Variants in TLE6 observed in about 807,000 individuals in gnomAD.
The protein encoded by TLE6 is TLE family member 6, subcortical maternal complex member.
A neutral mutation model predicts 77.1 loss-of-function variants in TLE6; 72 were observed. The ratio of observed to expected loss-of-function variants is 0.93; its 90% CI spans 0.77 to 1.14. TLE6 has a LOEUF of 1.14. Among genes scored for constraint, TLE6 ranks in the 50% most tolerant of loss-of-function variants. The pLI is 0.00. For missense variants in TLE6, 843 were observed against 747.6 expected (o/e 1.13, Z -1.49); for synonymous variants, 366 against 287.3 (o/e 1.27, Z -2.77).
intron 5 of TLE6, among the ~76,000 whole-genome samples, chr19:2,982,601 G>GCTGAGC (rs913311260): frequency 4.0e-5 from 6 of 151,450 alleles, no homozygotes; most frequent in Non-Finnish European, 7.4e-5. Context: ...GGTAGGTCAT[G>GCTGAGC]CTGAGCCTTG....
intron 9 of TLE6, 37 bp downstream of exon 9, chr19:2,987,827 G>A (rs201133837): frequency 6.8e-6 from 11 of 1,613,822 alleles, no homozygotes; most frequent in Admixed American, 1.7e-5. Context: ...GACTCCAGGC[G>A]GGATGGGGTG....
At position 2,987,164 on chromosome 19, in the gene TLE6, A is replaced by G; in HGVS notation, c.467A>G (p.His156Arg). 3 of 1,614,086 alleles carry G rather than the reference A, an allele frequency of 1.9e-6. No individual in the cohort carries two copies. The highest frequency in any genetic ancestry group is 2.5e-6 in the Non-Finnish European group (3 of 1,180,032). The change falls in exon 7 of 17, where the codon CAC becomes CGC. Residue 156 changes from histidine (H) to arginine (R), a missense_variant. By Grantham distance (29) the His-to-Arg change is conservative. Transcript: ENST00000246112. ...LFWDKEPWFW[H>R]DTLTEQLWRI... ...TGGGACAAGGAGCCTTGGTTTTGGC[A>G]CGACACTCTGACCGAGCAACTCTGG...
chr19:2,986,789 GCAA>G (rs2088920995), intron 5 of TLE6, 37 bp from the exon 6 acceptor site: 1 of 1,546,478 alleles, frequency 6.5e-7, no homozygotes, highest in African/African-American at 1.4e-5. Flanking sequence ...ACCCTTAACT[GCAA>G]CAACATTTAA....
At position 2,986,891 on chromosome 19, in the gene TLE6, G is replaced by C. The variant is rs762482172; in HGVS notation, c.285G>C (p.Glu95Asp). 1 of 1,551,770 alleles carries C rather than the reference G, an allele frequency of 6.4e-7. No homozygotes were observed. Among genetic ancestry groups the C allele is most frequent in the African/African-American group, 1.4e-5 (1 of 73,026 alleles). The change falls in exon 6 of 17, where the codon GAG (glutamate) becomes GAC (aspartate). Residue 95 changes from glutamate to aspartate, a missense_variant and splice_region_variant. Physicochemically the swap from Glu to Asp is conservative, Grantham distance 45 (BLOSUM62 2). Coordinates refer to ENST00000246112, the MANE Select transcript of TLE6 (RefSeq NM_001143986.2). ...CSQLQGFQSE[E>D]VSPAEPASPG... ...AACTCCAGGGTTTCCAGTCTGAGGA[G>C]GTGAGTTTCTGGGTCTTCAAGGAGG...
intron 5 of TLE6, chr19:2,983,925 T>G (rs10405587): frequency 0.038 from 5,845 of 152,256 alleles, 391 homozygotes; most frequent in African/African-American, 0.13. Context: ...GGGTGAGGGC[T>G]CCAGAGCAAA....
chr19:2,989,009 G>A (rs2088978837), intron 11 of TLE6, 52 bp from the exon 12 acceptor site: 1 of 1,601,178 alleles, frequency 6.2e-7, no homozygotes, highest in African/African-American at 1.3e-5. Context: ...GGCTCCCACT[G>A]GGCAAAGGGG....
chr19:2,980,583 A>G (rs1033744270), intron 3 of TLE6, among the ~76,000 whole-genome samples: 3 of 151,612 alleles, frequency 2.0e-5, no homozygotes, highest in African/African-American at 7.3e-5. Flanking sequence ...AAAAAATACA[A>G]AAATCAGCCA....
chr19:2,981,419 T>C, intron 3 of TLE6, 119 bp from the exon 4 acceptor site: 1 of 1,073,404 alleles, frequency 9.3e-7, no homozygotes, highest in Non-Finnish European at 1.4e-6. Context: ...AAATTTGGCT[T>C]CTGGAGCCAG....
chr19:2,980,892 T>TA (rs529993481), intron 3 of TLE6, among the ~76,000 whole-genome samples: 48 of 149,622 alleles, frequency 3.2e-4, no homozygotes, highest in African/African-American at 9.9e-4. Flanking sequence ...TCTTAAAAAA[T>TA]AAAAAAAATC....
In TLE6 at chr19:2,987,058, GA is replaced by G; in HGVS notation, c.362del (p.Glu121GlyfsTer39). 1 of 1,614,164 alleles carries G rather than the reference GA, an allele frequency of 6.2e-7. No homozygotes were observed. Among genetic ancestry groups the G allele is most frequent in the South Asian group, 1.1e-5 (1 of 91,082 alleles). ...CAAGACCCTGCAGGAGTCGAGCTTT[GA>G]GGACATCATGGCCACCAGGTCCTCC... ...KDKTLQESSF[E>X]DIMATRSSDW... On this transcript the variant is annotated frameshift_variant, in exon 7 of 17. Transcript: ENST00000246112. LOFTEE classifies it high-confidence loss of function.
Position 2,980,150 on chromosome 19 carries a change from G to C in TLE6, c.102G>C (p.Gln34His). Residue 34 changes from glutamine to histidine, a missense_variant, in exon 3 of 17, where the codon CAG (glutamine) becomes CAC (histidine). Coordinates refer to ENST00000246112, the MANE Select transcript of TLE6 (RefSeq NM_001143986.2). ...AGAGCTCTCCGACGCTGAATTATCA[G>C]GGCATTCTAAATCGGCTCAAGCAGT... ...NSESSPTLNYQGILNRLKQFP... is the reference protein window; with the variant it reads ...NSESSPTLNYHGILNRLKQFP... 6.5e-7 allele frequency: 1 copy of C among 1,549,606 alleles called. No individual in the cohort carries two copies. The highest frequency in any genetic ancestry group is 8.7e-7 in the Non-Finnish European group (1 of 1,145,732).
intron 16 of TLE6, 26 bp downstream of exon 16, chr19:2,994,121 C>G: frequency 1.9e-6 from 3 of 1,581,932 alleles, no homozygotes; most frequent in Non-Finnish European, 2.6e-6. Flanking sequence ...GGGGGCAGGA[C>G]CCGGGGGTGG....
At chr19:2,978,130 G>C in intron 1 of TLE6, 68 bp from the exon 2 acceptor site, 1 of 1,235,130 alleles carries the variant, frequency 8.1e-7, no homozygotes, top group Non-Finnish European at 1.2e-6. Context: ...GGGGTAACGG[G>C]TGCCTTGCTT....
intron 5 of TLE6, among the ~76,000 whole-genome samples, 178 bp downstream of exon 5, chr19:2,982,367 G>A (rs577378011): frequency 1.3e-5 from 2 of 151,642 alleles, no homozygotes; most frequent in East Asian, 1.9e-4. Context: ...GTGAAACCCC[G>A]TCTCTACTAA....
chr19:2,994,196 C>T (rs2089156331), intron 16 of TLE6, 101 bp downstream of exon 16: 10 of 994,786 alleles, frequency 1.0e-5, no homozygotes, highest in Non-Finnish European at 1.5e-5. Context: ...TAAAAAGTAG[C>T]CAGGTGTGGT....
intron 13 of TLE6, among the ~76,000 whole-genome samples, chr19:2,990,696 AATATATACATAT>A (rs984586461): frequency 8.8e-6 from 1 of 113,716 alleles, no homozygotes; most frequent in African/African-American, 4.0e-5. Flanking sequence ...TATATACATA[AATATATACATAT>A]ATAAAAAACA....
At chr19:2,983,895 T>C (rs1166448842) in intron 5 of TLE6, 1 of 152,530 alleles carries the variant, frequency 6.6e-6, no homozygotes, top group East Asian at 1.9e-4. Context: ...CCGCAGCTGC[T>C]GAGCATCAGG....
At chr19:2,992,900 C>T (rs72986873) in intron 14 of TLE6, among the ~76,000 whole-genome samples, 9,426 of 146,888 alleles carry the variant, frequency 0.064, 376 homozygotes, top group African/African-American at 0.096. Context: ...TAGAAATATT[C>T]TTTGCAGGCC....
At chr19:2,980,719 C>T (rs1473422779) in intron 3 of TLE6, among the ~76,000 whole-genome samples, 1 of 132,188 alleles carries the variant, frequency 7.6e-6, no homozygotes, top group African/African-American at 2.9e-5. Flanking sequence ...CCTAAGGCTA[C>T]AGAGTGAGAC....
Sources: gnomAD v4.1 joint callset for allele counts (sites outside exome capture counted in the v4.1 genomes callset) on GRCh38, gnomAD v4.1.1 for gene constraint, MANE v1.5 for transcripts, NCBI Gene and HGNC (gene_info 2026-07-23, HGNC 2026-07-21) for gene names.